Variants in SAFB2 observed in about 807,000 individuals in gnomAD.
SAFB2 encodes the protein scaffold attachment factor B2.
Under a neutral mutation model 100.6 loss-of-function variants are expected in SAFB2, and 32 were observed. That is an observed-to-expected ratio of 0.32 (90% CI 0.24 to 0.43). The LOEUF (loss-of-function observed/expected upper bound fraction) is 0.43. Among genes scored for constraint, SAFB2 ranks in the 20% least tolerant of loss-of-function variants. The pLI is 1.00. For synonymous variants in SAFB2, 500 were observed against 439.4 expected, an observed-to-expected ratio of 1.14 and a Z score of -1.72; for missense variants, 1,185 against 1,163.4, an observed-to-expected ratio of 1.02 and a Z score of -0.27.
intron 2 of SAFB2, among the ~76,000 whole-genome samples, 157 bp from the exon 3 acceptor site, chr19:5,616,643 C>CTTTT (rs60033130): frequency 8.2e-5 from 6 of 72,798 alleles, no homozygotes; most frequent in Non-Finnish European, 1.2e-4. Context: ...AATTTGTTTT[C>CTTTT]TTTTTTTTTT....
rs1475850594 is a variant in SAFB2, at chr19:5,590,338, C to A, written c.2465G>T (p.Trp822Leu). The A allele has an allele frequency of 2.5e-6, 4 of 1,610,752 alleles. No individual in the cohort carries two copies. Among genetic ancestry groups the A allele is most frequent in the South Asian group, 2.2e-5 (2 of 90,128 alleles). ...CCTCTTGTCGGAGCCGTAGCCCCCC[C>A]AGCCATCACGGGAGTCCCGGCCGTG... Reference protein sequence around the residue: ...ERHGRDSRDGWGGYGSDKRLS... With the variant: ...ERHGRDSRDGLGGYGSDKRLS... Residue 822 changes from tryptophan to leucine, a missense_variant, in exon 18 of 21, where the codon TGG becomes TTG. This residue lies in a region of SAFB2 where 740 missense variants were observed against 687.1 expected (regional missense o/e 1.08). Transcript: ENST00000252542.
intron 11 of SAFB2, among the ~76,000 whole-genome samples, chr19:5,601,194 C>T (rs1210567572): frequency 2.6e-5 from 4 of 152,138 alleles, no homozygotes; most frequent in African/African-American, 4.8e-5. Flanking sequence ...TAAATACACA[C>T]CATAGTAATT....
chr19:5,616,344 A>T lies in SAFB2; in HGVS notation c.340-9T>A, dbSNP rs762549316. On this transcript the variant is annotated splice_polypyrimidine_tract_variant and intron_variant, in intron 3 of 20. Coordinates refer to ENST00000252542, the MANE Select transcript of SAFB2 (RefSeq NM_014649.3). ...CTTGCTTCCATGTCCTCCTGTAAAG[A>T]GGAAGAAGAATCGTTAACGACCACC... 6.2e-7 allele frequency: 1 copy of T among 1,614,068 alleles called. No homozygotes were observed.
At position 5,609,966 on chromosome 19, in the gene SAFB2, T is replaced by A. The variant is rs748125737; in HGVS notation, c.1296+29A>T. 3.8e-6 allele frequency: 6 copies of A among 1,579,694 alleles called. No homozygotes were observed. In the Admixed American group the frequency reaches 5.1e-5, roughly 13 times the overall value. ...CTTCCTTTTTAACTCTGAATCACAGTGGATGGTATGAGGCAAGGGAAGGCA... is the reference window on the plus strand; with the variant it reads ...CTTCCTTTTTAACTCTGAATCACAGAGGATGGTATGAGGCAAGGGAAGGCA... On this transcript the variant is annotated intron_variant, in intron 9 of 20. Transcript: ENST00000252542.
intron 11 of SAFB2, among the ~76,000 whole-genome samples, chr19:5,603,522 C>T (rs991597295): frequency 6.6e-6 from 1 of 152,176 alleles, no homozygotes; most frequent in Non-Finnish European, 1.5e-5. Flanking sequence ...CAACCCACAC[C>T]TCCCTTGAAA....
chr19:5,614,244 C>T (rs1187133215), intron 4 of SAFB2, among the ~76,000 whole-genome samples: 3 of 152,164 alleles, frequency 2.0e-5, no homozygotes, highest in Non-Finnish European at 4.4e-5. Context: ...TGAGCCACCG[C>T]GCCTGGCCCG....
At chr19:5,610,882 G>A (rs1250948622) in intron 7 of SAFB2, 194 bp from the exon 8 acceptor site, 2 of 777,418 alleles carry the variant, frequency 2.6e-6, no homozygotes, top group Non-Finnish European at 2.0e-6. Flanking sequence ...AAGTCAATTC[G>A]ATTTAGCTGA....
At chr19:5,608,553 A>G (rs987769875) in intron 9 of SAFB2, among the ~76,000 whole-genome samples, 1 of 152,240 alleles carries the variant, frequency 6.6e-6, no homozygotes, top group Non-Finnish European at 1.5e-5. Context: ...CCGCTTCTTA[A>G]GCAATGAAAC....
At chr19:5,622,012 G>A (rs1482170127) in intron 1 of SAFB2, among the ~76,000 whole-genome samples, 4 of 152,278 alleles carry the variant, frequency 2.6e-5, no homozygotes, top group Non-Finnish European at 4.4e-5. Context: ...AGGGCGCTCA[G>A]GAAGGTGATG....
At position 5,587,564 on chromosome 19, in the gene SAFB2, T is replaced by C. The variant is rs950834922; in HGVS notation, c.2705+137A>G. On this transcript the variant is annotated intron_variant, in intron 20 of 20. Coordinates refer to ENST00000252542, the MANE Select transcript of SAFB2 (RefSeq NM_014649.3). This position sits in a 1 kb window ranked among gnomAD's most constrained non-coding sequence, Gnocchi z 4.9. ...ATTCCAGGTAACTCAAGAGCGTTAT[T>C]TGCATAAATTGCAAAGAGCTGCTTT... 2 of 1,452,262 alleles carry C rather than the reference T, an allele frequency of 1.4e-6. No homozygotes were observed. Among genetic ancestry groups the C allele is most frequent in the Non-Finnish European group, 9.1e-7 (1 of 1,093,950 alleles). The allele number at this position is 1,452,262 out of a possible 1,614,324, so 90.0% of individuals were successfully genotyped here.
At chr19:5,609,556 G>A (rs550059683) in intron 9 of SAFB2, among the ~76,000 whole-genome samples, 3 of 151,856 alleles carry the variant, frequency 2.0e-5, no homozygotes, top group Non-Finnish European at 2.9e-5. Context: ...CGCCCGCCTC[G>A]GCCTCCCAAA....
At chr19:5,621,792 G>C (rs567515699) in intron 1 of SAFB2, among the ~76,000 whole-genome samples, 26 of 152,350 alleles carry the variant, frequency 1.7e-4, no homozygotes, top group African/African-American at 6.3e-4. Context: ...AGCCAGCCTG[G>C]GGAGATTCAA....
chr19:5,587,552 CAA>C lies in SAFB2; in HGVS notation c.2705+147_2705+148del. 3 of 1,460,722 alleles carry C rather than the reference CAA, an allele frequency of 2.1e-6. No individual in the cohort carries two copies. The highest frequency in any genetic ancestry group is 5.2e-5 in the Admixed American group (2 of 38,662). 90.5% of individuals were successfully genotyped at this position (1,460,722 alleles called of 1,614,324 possible). A position where few individuals can be genotyped will look rare whatever the true frequency, so the allele number is the denominator to read the frequency against. The stretch of plus-strand genomic sequence containing the variant: ...ATCGCACATTGTATTCCAGGTAACT[CAA>C]GAGCGTTATTTGCATAAATTGCAAA... On this transcript the variant is annotated intron_variant, in intron 20 of 20. Coordinates refer to ENST00000252542, the MANE Select transcript of SAFB2 (RefSeq NM_014649.3). This position sits in a 1 kb window ranked among gnomAD's most constrained non-coding sequence, Gnocchi z 4.9.
Position 5,587,138 on chromosome 19 carries a change from G to A in SAFB2, c.*105C>T, listed in dbSNP as rs1568200521. On this transcript the variant is annotated 3_prime_UTR_variant, in exon 21 of 21. Transcript: ENST00000252542. This position sits in a 1 kb window ranked among gnomAD's most constrained non-coding sequence, Gnocchi z 4.9. ...CATTGTATTGAGCTACAACATGGTG[G>A]CAGGATTTACTTTGCTTTTAAAAAG... 2 of 1,460,014 alleles carry A rather than the reference G, an allele frequency of 1.4e-6. No homozygotes were observed. Among genetic ancestry groups the A allele is most frequent in the Non-Finnish European group, 1.9e-6 (2 of 1,069,646 alleles). The allele number at this position is 1,460,014 out of a possible 1,614,324, so 90.4% of individuals were successfully genotyped here.
intron 9 of SAFB2, among the ~76,000 whole-genome samples, chr19:5,608,196 G>A (rs536603547): frequency 3.8e-4 from 58 of 152,218 alleles, no homozygotes; most frequent in African/African-American, 6.5e-4. Context: ...TGTCACTCAC[G>A]CCTCAGCTGA....
intron 2 of SAFB2, among the ~76,000 whole-genome samples, chr19:5,620,727 A>G (rs2053122817): frequency 6.6e-6 from 1 of 152,226 alleles, no homozygotes; most frequent in Admixed American, 6.5e-5. Context: ...TGGGTGATGA[A>G]AATCCAGAAG....
Position 5,587,233 on chromosome 19 carries a change from C to T in SAFB2, c.*10G>A, listed in dbSNP as rs751463544. On this transcript the variant is annotated 3_prime_UTR_variant, in exon 21 of 21. Transcript: ENST00000252542. The surrounding 1 kb of genome is among the most constrained non-coding windows in gnomAD (Gnocchi z 4.9). ...CGTCTGCCCACCCGAAAACTCGCAG[C>T]GAGTGGGACTTAGTAGCGGCGGGTG... 1.2e-5 allele frequency: 20 copies of T among 1,609,534 alleles called. No individual in the cohort carries two copies. The East Asian group carries it at 2.5e-4, about 20-fold the overall frequency.
rs1470037185 is a variant in SAFB2 at position 5,593,965 on chromosome 19, C to G, written c.2133G>C (p.Glu711Asp). The change falls in exon 15 of 21, where the codon GAG becomes GAC. Residue 711 changes from glutamate (E) to aspartate (D), a missense_variant. Physicochemically the swap from Glu to Asp is conservative, Grantham distance 45. Around this residue, in one of 3 missense-constraint regions of SAFB2, gnomAD observed 740 missense variants for 687.1 expected, o/e 1.08. Coordinates refer to ENST00000252542, the MANE Select transcript of SAFB2 (RefSeq NM_014649.3). Reference sequence around the variant, plus strand: ...GCAGCTGCTCCTGCTGGCGCCGCAGCTCCTCGCGCTCGCGGTGGATGCGCT... The same window carrying G: ...GCAGCTGCTCCTGCTGGCGCCGCAGGTCCTCGCGCTCGCGGTGGATGCGCT... ...EQERIHREREELRRQQEQLRY... is the reference protein window; with the variant it reads ...EQERIHREREDLRRQQEQLRY... The G allele has an allele frequency of 6.4e-7, 1 of 1,551,038 alleles. No individual in the cohort carries two copies. The highest frequency in any genetic ancestry group is 2.4e-5 in the East Asian group (1 of 41,790).
intron 14 of SAFB2, 27 bp downstream of exon 14, chr19:5,595,334 C>A (rs756517933): frequency 2.5e-6 from 4 of 1,602,038 alleles, no homozygotes; most frequent in Middle Eastern, 2.0e-4. Flanking sequence ...AAACCACCAG[C>A]CCACAGCCTC....
Sources: gnomAD v4.1 joint callset for allele counts (sites outside exome capture counted in the v4.1 genomes callset) on GRCh38, gnomAD v4.1.1 for gene constraint, gnomAD v4.1.1 regional missense constraint, Gnocchi (gnomAD v3.1) non-coding constraint, MANE v1.5 for transcripts, NCBI Gene and HGNC (gene_info 2026-07-23, HGNC 2026-07-21) for gene names.